Variants in SPTSSB observed in about 807,000 individuals in gnomAD.
The protein encoded by SPTSSB is serine palmitoyltransferase small subunit B, also known as androgen down regulated in mouse prostate.
In SPTSSB, 6 loss-of-function variants were observed where a neutral mutation model predicts 7.7. That is an observed-to-expected ratio of 0.78 (90% CI 0.43 to 1.54). The LOEUF (loss-of-function observed/expected upper bound fraction) is 1.54. Ranked by LOEUF, SPTSSB falls within the 40% of genes most tolerant of loss-of-function variation. SPTSSB has a pLI of 0.01. For synonymous variants in SPTSSB, 28 were observed against 29.7 expected (o/e 0.94, Z 0.19); for missense variants, 91 against 93.0 (o/e 0.98, Z 0.09).
chr3:161,358,058 T>C (rs1465509856), intron 2 of SPTSSB, among the ~76,000 whole-genome samples: 2 of 150,512 alleles, frequency 1.3e-5, no homozygotes, highest in African/African-American at 4.9e-5. Flanking sequence ...TTTTTTTTTT[T>C]TTTTGGAGAT....
At chr3:161,362,690 T>C (rs187767758) in intron 1 of SPTSSB, among the ~76,000 whole-genome samples, 1 of 152,172 alleles carries the variant, frequency 6.6e-6, no homozygotes, top group Non-Finnish European at 1.5e-5. Flanking sequence ...AAAAGCTGCA[T>C]GACCAGACTG....
chr3:161,354,086 C>T (rs1324039892), intron 2 of SPTSSB, among the ~76,000 whole-genome samples: 1 of 152,170 alleles, frequency 6.6e-6, no homozygotes, highest in Non-Finnish European at 1.5e-5. Context: ...ACTTTCTCTA[C>T]ACATTCATTA....
Position 161,361,119 on chromosome 3 carries a change from G to A in SPTSSB, c.-125-1225C>T, listed in dbSNP as rs189767099. Reference sequence around the variant, plus strand: ...CTGGGAAATGCTGAGAGAAGATTTGGGGGGAGGAATGTGTCATGGAAGTCT... The same window carrying A: ...CTGGGAAATGCTGAGAGAAGATTTGAGGGGAGGAATGTGTCATGGAAGTCT... On this transcript the variant is annotated intron_variant, in intron 1 of 2. Coordinates refer to ENST00000620149, the MANE Select transcript of SPTSSB (RefSeq NM_001040100.2). 5.9e-5 allele frequency among the ~76,000 whole-genome samples: 9 copies of A among 152,252 alleles called. No individual in the cohort carries two copies. In the East Asian group the frequency reaches 7.7e-4, roughly 13 times the overall value.
intron 1 of SPTSSB, among the ~76,000 whole-genome samples, chr3:161,371,155 C>G (rs1715493143): frequency 6.6e-6 from 1 of 151,984 alleles, no homozygotes; most frequent in Non-Finnish European, 1.5e-5. Context: ...ATGGACTACA[C>G]GAAGGTAAAT....
At chr3:161,371,407 T>A in intron 1 of SPTSSB, 28 bp downstream of exon 1, 2 of 985,162 alleles carry the variant, frequency 2.0e-6, no homozygotes, top group Non-Finnish European at 2.4e-6. Context: ...ACTTAACAGT[T>A]CAAGTAGGTA....
At chr3:161,355,108 A>G in intron 2 of SPTSSB, among the ~76,000 whole-genome samples, 1 of 152,186 alleles carries the variant, frequency 6.6e-6, no homozygotes. Context: ...ATCCCTGCTT[A>G]TTTCTGGCAA....
At chr3:161,359,515 G>C (rs531100220) in intron 2 of SPTSSB, 1 of 159,908 alleles carries the variant, frequency 6.3e-6, no homozygotes, top group African/African-American at 2.4e-5. Flanking sequence ...CTTGGGGGGA[G>C]GGTCCTATGG....
chr3:161,368,371 C>T (rs1174368894), intron 1 of SPTSSB, among the ~76,000 whole-genome samples: 2 of 152,142 alleles, frequency 1.3e-5, no homozygotes, highest in African/African-American at 4.8e-5. Context: ...ATTTGCATCA[C>T]CCCAAGAAGA....
chr3:161,369,955 T>C (rs79831703), intron 1 of SPTSSB, among the ~76,000 whole-genome samples: 4,347 of 152,324 alleles, frequency 0.029, 207 homozygotes, highest in African/African-American at 0.098. Flanking sequence ...TACCAGGAAC[T>C]TTAAATGGTT....
chr3:161,369,324 CTT>C (rs1214186508), intron 1 of SPTSSB, among the ~76,000 whole-genome samples: 2 of 60,202 alleles, frequency 3.3e-5, no homozygotes, highest in African/African-American at 1.6e-4. Context: ...CTCTTTCTTT[CTT>C]TCTTTCTTTC....
intron 1 of SPTSSB, among the ~76,000 whole-genome samples, chr3:161,369,165 A>G (rs1479950423): frequency 3.3e-5 from 5 of 151,984 alleles, no homozygotes; most frequent in Non-Finnish European, 5.9e-5. Context: ...CGATTGCACC[A>G]TTTTCCATCC....
chr3:161,367,203 A>G (rs528309654), intron 1 of SPTSSB, among the ~76,000 whole-genome samples: 1 of 152,300 alleles, frequency 6.6e-6, no homozygotes, highest in Non-Finnish European at 1.5e-5. Flanking sequence ...ATAAAAATAA[A>G]ATAAATAAAT....
intron 1 of SPTSSB, among the ~76,000 whole-genome samples, chr3:161,366,482 A>G (rs1229359935): frequency 1.3e-5 from 2 of 152,146 alleles, no homozygotes; most frequent in East Asian, 1.9e-4. Context: ...TCCCAGGGGA[A>G]GAGAGAAATT....
rs777850686 is a variant in SPTSSB, at chr3:161,346,151, C to A, written c.173G>T (p.Arg58Leu). 3 of 1,611,778 alleles carry A rather than the reference C, an allele frequency of 1.9e-6. No homozygotes were observed. The highest frequency in any genetic ancestry group is 2.2e-5 in the East Asian group (1 of 44,846). Reference sequence around the variant, plus strand: ...TTTTGAGAAAAATTCCCAAGCCAGGCGAATGTGGATTGGAATAAAGACATA... The same window carrying A: ...TTTTGAGAAAAATTCCCAAGCCAGGAGAATGTGGATTGGAATAAAGACATA... ...TAYVFIPIHI[R>L]LAWEFFSKIC... The change falls in exon 3 of 3, where the codon CGC becomes CTC. Residue 58 changes from arginine (R) to leucine (L), a missense_variant. Transcript: ENST00000620149.
intron 2 of SPTSSB, among the ~76,000 whole-genome samples, chr3:161,353,661 A>G (rs780657858): frequency 2.0e-5 from 3 of 152,116 alleles, no homozygotes; most frequent in Non-Finnish European, 2.9e-5. Flanking sequence ...AAAGACATGC[A>G]ATTTCTTATT....
Position 161,355,756 on chromosome 3 carries a change from G to A in SPTSSB, c.-33+4046C>T, listed in dbSNP as rs185275994. On this transcript the variant is annotated intron_variant, in intron 2 of 2. Transcript: ENST00000620149. ...GCAAGATGAGAAAGTTCTAGAGATT[G>A]GTTGAAGAACAATGTAAATATACTT... is the stretch of plus-strand genomic sequence containing the variant. Among the ~76,000 whole-genome samples the A allele has an allele frequency of 7.2e-5, 11 of 152,152 alleles. No homozygotes were observed. In the East Asian group the frequency reaches 2.1e-3, roughly 29 times the overall value.
At chr3:161,366,764 C>T (rs1414509026) in intron 1 of SPTSSB, among the ~76,000 whole-genome samples, 2 of 152,004 alleles carry the variant, frequency 1.3e-5, no homozygotes, top group Non-Finnish European at 2.9e-5. Flanking sequence ...GGTAGGTGTG[C>T]AATAATTCAT....
chr3:161,350,957 C>G (rs1179452021), intron 2 of SPTSSB, among the ~76,000 whole-genome samples: 1 of 152,104 alleles, frequency 6.6e-6, no homozygotes, highest in Non-Finnish European at 1.5e-5. Flanking sequence ...CCAGCCTAAT[C>G]ATGAGAAAGG....
intron 2 of SPTSSB, among the ~76,000 whole-genome samples, chr3:161,353,371 A>G (rs1186972205): frequency 6.6e-6 from 1 of 152,214 alleles, no homozygotes; most frequent in Non-Finnish European, 1.5e-5. Flanking sequence ...TGTATATTTG[A>G]TGGGGAAAAA....
Sources: allele counts gnomAD v4.1 joint callset (sites outside exome capture counted in the v4.1 genomes callset), GRCh38; gene constraint gnomAD v4.1.1; transcripts MANE v1.5; gene names NCBI Gene and HGNC (gene_info 2026-07-23, HGNC 2026-07-21).